Variants in MSRA observed in about 807,000 individuals in gnomAD.
MSRA encodes the protein methionine sulfoxide reductase A.
In MSRA, 54 loss-of-function variants were observed where a neutral mutation model predicts 31.3. That is an observed-to-expected ratio of 1.73 (90% confidence interval 1.39 to 2.17). The LOEUF (loss-of-function observed/expected upper bound fraction) is 2.17. MSRA is among the 30% of genes most tolerant of loss of function. The probability of loss-of-function intolerance (pLI) is 0.00; values close to 1 mark genes in which losing one functional copy is unlikely to be tolerated. For synonymous variants in MSRA, 169 were observed against 116.5 expected (o/e 1.45, Z -2.90); for missense variants, 507 against 300.9 (o/e 1.69, Z -5.07).
intron 3 of MSRA, among the ~76,000 whole-genome samples, chr8:10,281,280 C>G (rs1283700363): frequency 1.3e-5 from 2 of 152,196 alleles, no homozygotes; most frequent in Admixed American, 1.3e-4. Context: ...CTTACTCTCT[C>G]TCACCTCTCC....
chr8:10,254,916 G>T (rs1301708831), intron 3 of MSRA, among the ~76,000 whole-genome samples: 1 of 152,216 alleles, frequency 6.6e-6, no homozygotes, highest in African/African-American at 2.4e-5. Flanking sequence ...AGAAACACGG[G>T]ATTTCCTTTT....
intron 1 of MSRA, among the ~76,000 whole-genome samples, chr8:10,161,246 A>G (rs1318555031): frequency 1.3e-5 from 2 of 152,204 alleles, no homozygotes; most frequent in Admixed American, 6.5e-5. Context: ...GAGAATATTT[A>G]TATAATTAAA....
chr8:10,203,467 G>A (rs1397519179), intron 1 of MSRA, among the ~76,000 whole-genome samples: 1 of 152,126 alleles, frequency 6.6e-6, no homozygotes. Context: ...TATGATGGTG[G>A]TCCCTTAAGA....
At chr8:10,310,100 A>G (rs190350460) in intron 4 of MSRA, among the ~76,000 whole-genome samples, 1 of 152,358 alleles carries the variant, frequency 6.6e-6, no homozygotes, top group Non-Finnish European at 1.5e-5. Flanking sequence ...AGTTTTTTAA[A>G]ATAAGTCACC....
intron 1 of MSRA, among the ~76,000 whole-genome samples, chr8:10,119,309 T>A (rs776123358): frequency 2.6e-5 from 4 of 152,246 alleles, no homozygotes; most frequent in Admixed American, 6.5e-5. Context: ...AGAAGACTTT[T>A]GTTGAATAAG....
intron 1 of MSRA, among the ~76,000 whole-genome samples, chr8:10,196,570 G>T (rs1808006535): frequency 6.6e-6 from 1 of 152,148 alleles, no homozygotes; most frequent in East Asian, 1.9e-4. Flanking sequence ...TATTTTTTGA[G>T]ACAGATTATC....
intron 1 of MSRA, among the ~76,000 whole-genome samples, chr8:10,099,877 A>G (rs1799419885): frequency 1.3e-5 from 2 of 152,150 alleles, no homozygotes; most frequent in Admixed American, 6.5e-5. Context: ...TCATTTTCCC[A>G]AAGCATCCCA....
At chr8:10,370,846 T>A (rs1378213315) in intron 5 of MSRA, among the ~76,000 whole-genome samples, 1 of 152,226 alleles carries the variant, frequency 6.6e-6, no homozygotes, top group African/African-American at 2.4e-5. Context: ...ATGAGTCAGC[T>A]TGGGGATATT....
At chr8:10,253,762 G>A (rs1246951722) in intron 3 of MSRA, among the ~76,000 whole-genome samples, 1 of 152,068 alleles carries the variant, frequency 6.6e-6, no homozygotes, top group Non-Finnish European at 1.5e-5. Context: ...TCAGGGGGTT[G>A]AGCTTCTCCA....
At chr8:10,185,625 A>C (rs1289790740) in intron 1 of MSRA, among the ~76,000 whole-genome samples, 1 of 152,154 alleles carries the variant, frequency 6.6e-6, no homozygotes, top group Non-Finnish European at 1.5e-5. Context: ...AGAGCAATGG[A>C]GAAGAAAGTA....
intron 1 of MSRA, among the ~76,000 whole-genome samples, chr8:10,130,425 G>A (rs1002690189): frequency 1.3e-5 from 2 of 152,180 alleles, no homozygotes; most frequent in Non-Finnish European, 2.9e-5. Flanking sequence ...ACATGTATGT[G>A]AATATTATTT....
intron 3 of MSRA, among the ~76,000 whole-genome samples, chr8:10,290,322 A>C (rs1800163518): frequency 6.6e-6 from 1 of 152,154 alleles, no homozygotes; most frequent in Non-Finnish European, 1.5e-5. Context: ...AACTACTTTG[A>C]GAATTAGAGA....
intron 1 of MSRA, among the ~76,000 whole-genome samples, chr8:10,137,054 G>C (rs926996712): frequency 2.0e-5 from 3 of 152,134 alleles, no homozygotes; most frequent in Non-Finnish European, 4.4e-5. Flanking sequence ...ATGTGCGTTG[G>C]CCTGAGACAA....
At chr8:10,287,168 G>A (rs987851428) in intron 3 of MSRA, among the ~76,000 whole-genome samples, 12 of 152,132 alleles carry the variant, frequency 7.9e-5, no homozygotes, top group African/African-American at 2.4e-4. Flanking sequence ...AATTACAGCC[G>A]AGTCTGCATC....
intron 2 of MSRA, among the ~76,000 whole-genome samples, chr8:10,231,024 A>AT (rs1380620541): frequency 2.0e-5 from 3 of 152,138 alleles, no homozygotes; most frequent in Non-Finnish European, 4.4e-5. Flanking sequence ...ACCTCAGGTG[A>AT]TTCCCCCCAC....
At chr8:10,239,045 A>T (rs907540688) in intron 2 of MSRA, among the ~76,000 whole-genome samples, 1 of 152,246 alleles carries the variant, frequency 6.6e-6, no homozygotes, top group African/African-American at 2.4e-5. Flanking sequence ...AAACCAAGAA[A>T]AATAGAAGAA....
In MSRA at chr8:10,113,410, A is replaced by C. The variant is rs548050824; in HGVS notation, c.142+58752A>C. On this transcript the variant is annotated intron_variant, in intron 1 of 5. Coordinates refer to ENST00000317173, the MANE Select transcript of MSRA (RefSeq NM_012331.5). ...TATGGCAGACTGGGATAAAGGGCAC[A>C]GGGGTTAGCCTGAAAGAGGAGGGGA... Among the ~76,000 whole-genome samples, 14 of 148,488 alleles carry C rather than the reference A, an allele frequency of 9.4e-5. No homozygotes were observed. The East Asian group carries it at 2.4e-3, about 26-fold the overall frequency.
At chr8:10,386,833 C>T (rs778024077) in intron 5 of MSRA, among the ~76,000 whole-genome samples, 2 of 146,114 alleles carry the variant, frequency 1.4e-5, no homozygotes, top group Non-Finnish European at 3.0e-5. Flanking sequence ...AAATGGGATT[C>T]GAACCCTTTG....
intron 5 of MSRA, among the ~76,000 whole-genome samples, chr8:10,361,662 G>A (rs958999480): frequency 2.0e-5 from 3 of 152,136 alleles, no homozygotes; most frequent in African/African-American, 7.2e-5. Flanking sequence ...AGGAGCTCCT[G>A]TCTCCCAAAA....
Sources: allele counts gnomAD v4.1 joint callset (sites outside exome capture counted in the v4.1 genomes callset), GRCh38; gene constraint gnomAD v4.1.1; transcripts MANE v1.5; gene names NCBI Gene and HGNC (gene_info 2026-07-23, HGNC 2026-07-21).